The following GARNL3 variants were observed in gnomAD, a reference collection of about 807,000 sequenced individuals.
The protein encoded by GARNL3 is GTPase-activating Rap/Ran-GAP domain-like protein 3.
GARNL3 carries 63 observed loss-of-function variants against 125.0 expected under a neutral mutation model. The observed-to-expected ratio is 0.50, with a 90% confidence interval of 0.41 to 0.62. The LOEUF (loss-of-function observed/expected upper bound fraction) is 0.62. Ranked by LOEUF, GARNL3 falls within the 20% of genes least tolerant of loss-of-function variation. The probability of loss-of-function intolerance (pLI) is 0.00; values close to 1 mark genes in which losing one functional copy is unlikely to be tolerated. For synonymous variants in GARNL3, 439 were observed against 457.5 expected, an observed-to-expected ratio of 0.96 and a Z score of 0.52; for missense variants, 994 against 1,244.0, an observed-to-expected ratio of 0.80 and a Z score of 3.02.
At chr9:127,297,629 C>G (rs1053546938) in intron 2 of GARNL3, among the ~76,000 whole-genome samples, 1 of 152,192 alleles carries the variant, frequency 6.6e-6, no homozygotes, top group Non-Finnish European at 1.5e-5. Flanking sequence ...TCTTCTAGCA[C>G]CAACAGAATA....
intron 6 of GARNL3, among the ~76,000 whole-genome samples, chr9:127,322,482 A>G (rs908847253): frequency 1.3e-5 from 2 of 152,044 alleles, no homozygotes; most frequent in African/African-American, 4.8e-5. Flanking sequence ...AACAAAAGGT[A>G]CTTTTATGCT....
intron 16 of GARNL3, among the ~76,000 whole-genome samples, chr9:127,346,053 A>G (rs972331536): frequency 1.3e-4 from 20 of 152,208 alleles, no homozygotes; most frequent in African/African-American, 4.8e-4. Flanking sequence ...TGAAAAACCA[A>G]TGCTTAATCT....
At position 127,333,432 on chromosome 9, in the gene GARNL3, G is replaced by A. The variant is rs115545663; in HGVS notation, c.769+311G>A. On this transcript the variant is annotated intron_variant, in intron 9 of 27. Transcript: ENST00000373387. Reference sequence around the variant, plus strand: ...TATAGAAGTGGATAAACCAACATGGGGTCCTCCTTTCTAGGAGCCTGCAGT... The same window carrying A: ...TATAGAAGTGGATAAACCAACATGGAGTCCTCCTTTCTAGGAGCCTGCAGT... Among the ~76,000 whole-genome samples, 431 of 152,256 alleles carry A rather than the reference G, an allele frequency of 2.8e-3. 2 individuals carry two copies. Among genetic ancestry groups the A allele is most frequent in the African/African-American group, 9.9e-3 (413 of 41,542 alleles).
chr9:127,340,432 G>A (rs995320463), intron 13 of GARNL3, among the ~76,000 whole-genome samples: 3 of 152,028 alleles, frequency 2.0e-5, no homozygotes, highest in African/African-American at 7.2e-5. Context: ...AGTTACTCGG[G>A]TTCATCTGCT....
At chr9:127,331,949 G>C (rs1829283930) in intron 7 of GARNL3, among the ~76,000 whole-genome samples, 1 of 152,034 alleles carries the variant, frequency 6.6e-6, no homozygotes, top group Non-Finnish European at 1.5e-5. Flanking sequence ...GATGGTGCCA[G>C]GCCTGTGAGT....
intron 2 of GARNL3, among the ~76,000 whole-genome samples, chr9:127,245,828 G>A (rs1474076753): frequency 1.3e-5 from 2 of 152,188 alleles, no homozygotes; most frequent in Non-Finnish European, 2.9e-5. Context: ...GCACCGCTTG[G>A]AAGTGACAGA....
chr9:127,352,301 AT>A (rs1830460651), intron 17 of GARNL3, among the ~76,000 whole-genome samples: 1 of 152,174 alleles, frequency 6.6e-6, no homozygotes, highest in Non-Finnish European at 1.5e-5. Flanking sequence ...TTCCTACCTA[AT>A]AAGGTCATTG....
intron 1 of GARNL3, among the ~76,000 whole-genome samples, chr9:127,268,274 A>G (rs1375316170): frequency 6.6e-6 from 1 of 152,180 alleles, no homozygotes; most frequent in Non-Finnish European, 1.5e-5. Context: ...CTTATGAAGA[A>G]CAGAGATCTG....
At chr9:127,322,400 G>C (rs1040578272) in intron 6 of GARNL3, among the ~76,000 whole-genome samples, 8 of 150,096 alleles carry the variant, frequency 5.3e-5, no homozygotes, top group Admixed American at 4.6e-4. Flanking sequence ...TTCTAGGAGA[G>C]GAAAAGAAAA....
At chr9:127,372,009 G>A (rs944244147) in intron 22 of GARNL3, among the ~76,000 whole-genome samples, 13 of 152,088 alleles carry the variant, frequency 8.5e-5, no homozygotes, top group South Asian at 2.1e-4. Flanking sequence ...TTTGGCTCAC[G>A]GAAACCTCCG....
At chr9:127,273,760 T>C (rs2063882681) in intron 1 of GARNL3, among the ~76,000 whole-genome samples, 1 of 152,080 alleles carries the variant, frequency 6.6e-6, no homozygotes, top group Admixed American at 6.5e-5. Flanking sequence ...GAGAAAAAAT[T>C]TTTCTCAGGA....
intron 1 of GARNL3, among the ~76,000 whole-genome samples, chr9:127,289,358 C>T (rs1189159803): frequency 1.3e-5 from 2 of 152,188 alleles, no homozygotes; most frequent in Non-Finnish European, 2.9e-5. Flanking sequence ...TGATTTATTA[C>T]AACAAAAGGA....
At chr9:127,388,442 TAG>T (rs1433205697) in intron 25 of GARNL3, 2 of 167,408 alleles carry the variant, frequency 1.2e-5, no homozygotes, top group East Asian at 3.6e-4. Context: ...GCTAAAAGAA[TAG>T]AGTCATCAAG....
chr9:127,332,214 C>A, intron 7 of GARNL3, 60 bp from the exon 8 acceptor site: 2 of 1,328,488 alleles, frequency 1.5e-6, no homozygotes, highest in South Asian at 1.2e-5. Flanking sequence ...CAGCCCATCT[C>A]AAAACTATAT....
At chr9:127,306,453 C>T (rs1037859567) in intron 2 of GARNL3, among the ~76,000 whole-genome samples, 4 of 151,646 alleles carry the variant, frequency 2.6e-5, no homozygotes, top group Non-Finnish European at 5.9e-5. Context: ...TGTGGCCGGG[C>T]GCGGTGGCTC....
chr9:127,262,394 C>T (rs2063612150), upstream of GARNL3, among the ~76,000 whole-genome samples: 1 of 152,216 alleles, frequency 6.6e-6, no homozygotes, highest in African/African-American at 2.4e-5. Context: ...TGCCCTCCTG[C>T]AGGTCTCTAC....
intron 4 of GARNL3, among the ~76,000 whole-genome samples, chr9:127,313,891 G>A (rs115442345): frequency 3.3e-5 from 5 of 152,044 alleles, no homozygotes; most frequent in Non-Finnish European, 1.5e-5. Flanking sequence ...GCCTCCTCCT[G>A]CTCCTCTTGT....
exon 2 of GARNL3, chr9:127,243,109 G>A (rs2063231874): frequency 7.3e-7 from 1 of 1,363,538 alleles, no homozygotes; most frequent in East Asian, 4.6e-5. Context: ...GCCCACTGAT[G>A]GACCCGTTAA....
At chr9:127,389,629 CTCAGTA>C (rs754873293) in intron 26 of GARNL3, among the ~76,000 whole-genome samples, 23 of 152,236 alleles carry the variant, frequency 1.5e-4, no homozygotes, top group Non-Finnish European at 2.4e-4. Flanking sequence ...GCTCATTTCT[CTCAGTA>C]TAACTATGGG....
Sources: allele counts gnomAD v4.1 joint callset (sites outside exome capture counted in the v4.1 genomes callset), GRCh38; gene constraint gnomAD v4.1.1; transcripts MANE v1.5; gene names NCBI Gene and HGNC (gene_info 2026-07-23, HGNC 2026-07-21).